Variants in SCYL2 observed in about 807,000 individuals in gnomAD.
SCYL2 encodes the protein SCY1-like protein 2.
Under a neutral mutation model 100.4 loss-of-function variants are expected in SCYL2, and 36 were observed. The ratio of observed to expected loss-of-function variants is 0.36; its 90% confidence interval spans 0.27 to 0.47. SCYL2 has a LOEUF of 0.47. Ranked by LOEUF, SCYL2 falls within the 20% of genes least tolerant of loss-of-function variation. SCYL2 has a pLI of 1.00. For missense variants in SCYL2, 902 were observed against 1,083.9 expected (o/e 0.83, Z 2.36); for synonymous variants, 330 against 359.2 (o/e 0.92, Z 0.92).
chr12:100,335,093 T>C (rs1158700126), intron 14 of SCYL2, among the ~76,000 whole-genome samples: 1 of 152,054 alleles, frequency 6.6e-6, no homozygotes, highest in East Asian at 1.9e-4. Context: ...TTGACTATGT[T>C]AACATAAAAA....
chr12:100,326,636 A>G lies in SCYL2; in HGVS notation c.1524A>G (p.Ser508=), dbSNP rs770957811. Residue 508 remains serine (S), a synonymous_variant, in exon 12 of 18, where the codon TCA becomes TCG. Transcript: ENST00000360820. The stretch of plus-strand genomic sequence containing the variant: ...TCTTTTAATAGGTTCGTGTAAATTC[A>G]TTAGTGTGCTTAGGAAAGATTTTGG... ...QTSSLAVRVN[S]LVCLGKILEY... 4 of 1,598,744 alleles carry G rather than the reference A, an allele frequency of 2.5e-6. No individual in the cohort carries two copies. Among genetic ancestry groups the G allele is most frequent in the Non-Finnish European group, 3.4e-6 (4 of 1,175,324 alleles).
chr12:100,298,003 G>A, intron 3 of SCYL2, 28 bp from the exon 4 acceptor site: 1 of 1,563,444 alleles, frequency 6.4e-7, no homozygotes, highest in East Asian at 2.3e-5. Flanking sequence ...TAATATGATA[G>A]TAAATAACTT....
At chr12:100,335,568 G>T in intron 14 of SCYL2, 57 bp from the exon 15 acceptor site, 1 of 1,256,032 alleles carries the variant, frequency 8.0e-7, no homozygotes, top group Non-Finnish European at 1.1e-6. Context: ...TTTGGCATGA[G>T]TATTTAAAAA....
At chr12:100,294,518 C>T (rs1171265979) in intron 3 of SCYL2, among the ~76,000 whole-genome samples, 1 of 73,624 alleles carries the variant, frequency 1.4e-5, no homozygotes, top group Non-Finnish European at 2.9e-5. Flanking sequence ...GGCTGACTCC[C>T]CCAGGCTGAC....
intron 4 of SCYL2, among the ~76,000 whole-genome samples, chr12:100,303,468 T>G (rs1177253209): frequency 6.6e-6 from 1 of 152,208 alleles, no homozygotes; most frequent in African/African-American, 2.4e-5. Context: ...TGATGTTTTC[T>G]GTTGATTCTT....
rs565307965 is a variant in SCYL2 at position 100,315,864 on chromosome 12, G to T, written c.1272+130G>T. On this transcript the variant is annotated intron_variant, in intron 9 of 17. Transcript: ENST00000360820. ...GTGTATGAGACTTTCTTTTCCATTA[G>T]TCAGAAAGCTGCTTTACATGTTTGA... 7.0e-6 allele frequency: 5 copies of T among 711,082 alleles called. No individual in the cohort carries two copies. In the South Asian group the frequency reaches 1.4e-4, roughly 20 times the overall value. 44.0% of individuals were successfully genotyped at this position (711,082 alleles called of 1,614,324 possible). A position where few individuals can be genotyped will look rare whatever the true frequency, so the allele number is the denominator to read the frequency against.
chr12:100,294,093 CAGTA>C (rs2096313969), intron 3 of SCYL2, among the ~76,000 whole-genome samples: 6 of 150,128 alleles, frequency 4.0e-5, no homozygotes, highest in Non-Finnish European at 1.5e-5. Flanking sequence ...CCTCACTTCC[CAGTA>C]GGGGCGGCCG....
At chr12:100,338,402 CTAA>C in intron 17 of SCYL2, 123 bp from the exon 18 acceptor site, 1 of 730,586 alleles carries the variant, frequency 1.4e-6, no homozygotes, top group Non-Finnish European at 2.1e-6. Context: ...CTATAGTTTG[CTAA>C]TTTGGTGTAG....
chr12:100,335,143 T>C (rs1041818769), intron 14 of SCYL2, among the ~76,000 whole-genome samples: 4 of 152,216 alleles, frequency 2.6e-5, no homozygotes, highest in African/African-American at 9.6e-5. Flanking sequence ...TAGGTAGAAA[T>C]AAATTTTTAA....
rs1424965911 is a variant in SCYL2 at position 100,291,626 on chromosome 12, C to A, written c.301C>A (p.Leu101Ile). 6.2e-7 allele frequency: 1 copy of A among 1,600,624 alleles called. No homozygotes were observed. The highest frequency in any genetic ancestry group is 8.5e-7 in the Non-Finnish European group (1 of 1,175,804). The change falls in exon 3 of 18, where the codon CTT becomes ATT. Residue 101 changes from leucine to isoleucine, a missense_variant. Coordinates refer to ENST00000360820, the MANE Select transcript of SCYL2 (RefSeq NM_017988.6). Reference sequence around the variant, plus strand: ...GTTAACTCGGCTTCGACACCCTCGACTTCTTACTGTCCAGCATCCTTTAGA... The same window carrying A: ...GTTAACTCGGCTTCGACACCCTCGAATTCTTACTGTCCAGCATCCTTTAGA... ...QQLTRLRHPR[L>I]LTVQHPLEES... is the part of the protein sequence containing the mutation.
At chr12:100,301,610 C>A (rs536721430) in intron 4 of SCYL2, among the ~76,000 whole-genome samples, 1 of 152,318 alleles carries the variant, frequency 6.6e-6, no homozygotes, top group Admixed American at 6.5e-5. Flanking sequence ...TTGAAATGTT[C>A]TGTAAATATC....
chr12:100,295,516 C>T (rs1229554536), intron 3 of SCYL2, among the ~76,000 whole-genome samples: 4 of 152,002 alleles, frequency 2.6e-5, no homozygotes, highest in Admixed American at 6.5e-5. Flanking sequence ...GCCAACACAG[C>T]GAAACCCCGT....
chr12:100,322,110 C>T (rs1018379479), intron 10 of SCYL2, among the ~76,000 whole-genome samples: 1 of 150,392 alleles, frequency 6.6e-6, no homozygotes, highest in East Asian at 2.0e-4. Flanking sequence ...CGGTGGCTCA[C>T]GCCTGTAATC....
chr12:100,339,158 G>A lies in SCYL2; in HGVS notation c.2776G>A (p.Asp926Asn). ...NSSSASNDLK[D>N]LFG ...CAGTTCAGCTAGCAATGATTTAAAA[G>A]ATCTTTTTGGGTGAGGTGTCTTACT... The change falls in exon 18 of 18, where the codon GAT becomes AAT. Residue 926 changes from aspartate (D) to asparagine (N), a missense_variant. Transcript: ENST00000360820. 1 of 1,612,150 alleles carries A rather than the reference G, an allele frequency of 6.2e-7. No individual in the cohort carries two copies. Among genetic ancestry groups the A allele is most frequent in the Non-Finnish European group, 8.5e-7 (1 of 1,179,152 alleles).
intron 3 of SCYL2, among the ~76,000 whole-genome samples, chr12:100,294,675 G>A (rs1215401284): frequency 7.5e-6 from 1 of 132,456 alleles, no homozygotes; most frequent in South Asian, 2.5e-4. Context: ...CCTCCCGGAC[G>A]GGGTGGCTGG....
intron 4 of SCYL2, among the ~76,000 whole-genome samples, chr12:100,310,749 A>G (rs1287273603): frequency 6.6e-6 from 1 of 152,250 alleles, no homozygotes; most frequent in African/African-American, 2.4e-5. Context: ...GGAACTGAAT[A>G]AATTTGGACA....
At chr12:100,317,130 G>T (rs948162675) in intron 9 of SCYL2, among the ~76,000 whole-genome samples, 1 of 151,702 alleles carries the variant, frequency 6.6e-6, no homozygotes, top group African/African-American at 2.4e-5. Flanking sequence ...AATTTCTTCC[G>T]AATATTCTTC....
chr12:100,314,468 CT>C lies in SCYL2; in HGVS notation c.970-18del. ...TTTCAATTTAACATTTATCAAAATA[CT>C]TTATTTCCATTTTTTTTAGATTCCC... On this transcript the variant is annotated intron_variant, in intron 7 of 17. Coordinates refer to ENST00000360820, the MANE Select transcript of SCYL2 (RefSeq NM_017988.6). 1 of 1,545,890 alleles carries C rather than the reference CT, an allele frequency of 6.5e-7. No individual in the cohort carries two copies.
At chr12:100,302,015 G>C (rs1460061686) in intron 4 of SCYL2, among the ~76,000 whole-genome samples, 2 of 152,186 alleles carry the variant, frequency 1.3e-5, no homozygotes, top group Admixed American at 6.5e-5. Context: ...TCAAGGCAGC[G>C]GGTCCCCTTT....
Sources: allele counts gnomAD v4.1 joint callset (sites outside exome capture counted in the v4.1 genomes callset), GRCh38; gene constraint gnomAD v4.1.1; transcripts MANE v1.5; gene names NCBI Gene and HGNC (gene_info 2026-07-23, HGNC 2026-07-21).